ZNF680: variants seen among roughly 807,000 people sequenced by gnomAD.
The protein encoded by ZNF680 is hypothetical protein FLJ90430.
A neutral mutation model predicts 12.1 loss-of-function variants in ZNF680; 6 were observed. The ratio of observed to expected loss-of-function variants is 0.49; its 90% CI spans 0.27 to 0.98. The LOEUF (loss-of-function observed/expected upper bound fraction) is 0.98, where lower values mean the gene tolerates loss of function less well. ZNF680 is among the 50% of genes least tolerant of loss of function. ZNF680 has a pLI of 0.12. For synonymous variants in ZNF680, 170 were observed against 199.3 expected, an observed-to-expected ratio of 0.85 and a Z score of 1.24; for missense variants, 561 against 616.3, an observed-to-expected ratio of 0.91 and a Z score of 0.95.
chr7:64,522,467 G>A lies in ZNF680; in HGVS notation c.287C>T (p.Pro96Leu). ...AAAAGAATCTTTTATGCTATGCTCTGGCCAAAGGTCTTCAGTGAAATGAGA... is the reference window on the plus strand; with the variant it reads ...AAAAGAATCTTTTATGCTATGCTCTAGCCAAAGGTCTTCAGTGAAATGAGA... ...IYSHFTEDLW[P>L]EHSIKDSFQK... Residue 96 changes from proline to leucine, a missense_variant, in exon 4 of 4, where the codon CCA (proline) becomes CTA (leucine). Transcript: ENST00000309683. 4 of 1,545,522 alleles carry A rather than the reference G, an allele frequency of 2.6e-6. No homozygotes were observed. The highest frequency in any genetic ancestry group is 3.5e-6 in the Non-Finnish European group (4 of 1,147,968).
chr7:64,544,375 G>A lies in ZNF680; in HGVS notation c.88C>T (p.Leu30=), dbSNP rs779930253. The A allele has an allele frequency of 6.2e-7, 1 of 1,604,808 alleles. No homozygotes were observed. The highest frequency in any genetic ancestry group is 2.2e-5 in the East Asian group (1 of 44,634). ...IEFSLEEWQC[L]DTAQRNLYRK... The stretch of plus-strand genomic sequence containing the variant: ...TATAAATTCCGTTGTGCAGTGTCCA[G>A]GCATTGCCACTCCTCCAGAGAGAAT... Residue 30 remains leucine (L), a synonymous_variant, in exon 2 of 4, where the codon CTG becomes TTG. Transcript: ENST00000309683.
chr7:64,535,473 A>G (rs1786114474), intron 3 of ZNF680, among the ~76,000 whole-genome samples: 1 of 151,976 alleles, frequency 6.6e-6, no homozygotes, highest in Non-Finnish European at 1.5e-5. Context: ...AGAAAAAGAA[A>G]TAAGACGCCT....
chr7:64,499,849 TAAA>T, the ZNF680 span, among the ~76,000 whole-genome samples: 1 of 152,222 alleles, frequency 6.6e-6, no homozygotes, highest in Non-Finnish European at 1.5e-5. Flanking sequence ...TGGGCCCCAG[TAAA>T]ACAGTGGGCC....
the ZNF680 span, among the ~76,000 whole-genome samples, chr7:64,508,147 A>ATATATATATATAT: frequency 3.2e-4 from 43 of 135,210 alleles, no homozygotes; most frequent in East Asian, 1.6e-3. Flanking sequence ...ATATATACAT[A>ATATATATATATAT]ATTTTTTTTT....
chr7:64,537,887 A>G (rs1417158249), intron 3 of ZNF680, among the ~76,000 whole-genome samples: 2 of 151,998 alleles, frequency 1.3e-5, no homozygotes, highest in Non-Finnish European at 2.9e-5. Context: ...CTGAGATAGC[A>G]CCACTGCACT....
intron 3 of ZNF680, among the ~76,000 whole-genome samples, chr7:64,536,222 A>T (rs951259969): frequency 2.0e-5 from 3 of 152,182 alleles, no homozygotes; most frequent in Admixed American, 6.5e-5. Flanking sequence ...TAATAAGAAA[A>T]CAGAAAACTT....
Position 64,552,874 on chromosome 7 carries a change from C to T in ZNF680, c.31-8442G>A, listed in dbSNP as rs77036318. On this transcript the variant is annotated intron_variant, in intron 1 of 3. Transcript: ENST00000309683. ...GGCACGGTGGCTCACGCCAGTAATCCCAGCACTTTGGGAGGTCAAGATGGG... is the reference window on the plus strand; with the variant it reads ...GGCACGGTGGCTCACGCCAGTAATCTCAGCACTTTGGGAGGTCAAGATGGG... 0.031 allele frequency among the ~76,000 whole-genome samples: 4,671 copies of T among 151,994 alleles called. 358 individuals carry two copies. The East Asian group carries it at 0.32, about 11-fold the overall frequency.
intron 3 of ZNF680, among the ~76,000 whole-genome samples, chr7:64,528,018 C>T (rs529635661): frequency 1.9e-4 from 29 of 152,266 alleles, no homozygotes; most frequent in African/African-American, 2.2e-4. Context: ...GATCCTTCAC[C>T]GCTGAACATG....
rs530065480 is a variant in ZNF680 at position 64,545,440 on chromosome 7, T to C, written c.31-1008A>G. 3.3e-5 allele frequency among the ~76,000 whole-genome samples: 5 copies of C among 152,212 alleles called. No individual in the cohort carries two copies. In the South Asian group the frequency reaches 1.0e-3, roughly 32 times the overall value. Reference sequence around the variant, plus strand: ...ACATCAGCTGCATAAAGATACTTACTAATGAAAAGTAATTAACTATAAAAA... The same window carrying C: ...ACATCAGCTGCATAAAGATACTTACCAATGAAAAGTAATTAACTATAAAAA... On this transcript the variant is annotated intron_variant, in intron 1 of 3. Coordinates refer to ENST00000309683, the MANE Select transcript of ZNF680 (RefSeq NM_178558.5).
the ZNF680 span, among the ~76,000 whole-genome samples, chr7:64,510,916 A>AT: frequency 5.0e-5 from 4 of 79,776 alleles, no homozygotes; most frequent in Non-Finnish European, 9.9e-5. Flanking sequence ...TCTCAAAAAA[A>AT]AAAAATAAAA....
At chr7:64,515,345 T>A (rs984092162), downstream of ZNF680, among the ~76,000 whole-genome samples, 1 of 150,990 alleles carries the variant, frequency 6.6e-6, no homozygotes, top group Non-Finnish European at 1.5e-5. Context: ...CACCCCCCCC[T>A]AAAAAATCCT....
Position 64,521,640 on chromosome 7 carries a change from G to A in ZNF680, c.1114C>T (p.His372Tyr). The part of the protein sequence containing the change: ...FANLTRHKKI[H>Y]TGEKSYKCEE... ...CATTTGTAGGATTTCTCTCCAGTAT[G>A]AATTTTCTTATGTCTAGTAAGGTTT... The change falls in exon 4 of 4, where the codon CAT becomes TAT. Residue 372 changes from histidine (H) to tyrosine (Y), a missense_variant. Physicochemically the swap from His to Tyr is moderately conservative, Grantham distance 83. Transcript: ENST00000309683. 6.2e-7 allele frequency: 1 copy of A among 1,612,320 alleles called. No individual in the cohort carries two copies. The highest frequency in any genetic ancestry group is 8.5e-7 in the Non-Finnish European group (1 of 1,179,712).
At chr7:64,539,370 A>AAAAAAAAAAAAAAAC (rs1786370098) in intron 3 of ZNF680, among the ~76,000 whole-genome samples, 1 of 86,764 alleles carries the variant, frequency 1.2e-5, no homozygotes, top group Non-Finnish European at 2.5e-5. Context: ...AAAAAAAAAA[A>AAAAAAAAAAAAAAAC]AAAAAGAAAA....
chr7:64,560,668 TGA>T (rs1332640786), intron 1 of ZNF680, among the ~76,000 whole-genome samples: 3 of 152,010 alleles, frequency 2.0e-5, no homozygotes, highest in African/African-American at 7.2e-5. Flanking sequence ...AAAAATTAGC[TGA>T]GTGTGGTGGC....
intron 1 of ZNF680, chr7:64,551,955 T>C (rs569819691): frequency 5.3e-5 from 8 of 152,240 alleles, no homozygotes; most frequent in African/African-American, 1.9e-4. Flanking sequence ...AAAGGGAGCA[T>C]ATTCTCAGCA....
In ZNF680 at chr7:64,522,136, T is replaced by G; in HGVS notation, c.618A>C (p.Arg206Ser). 3 of 1,612,182 alleles carry G rather than the reference T, an allele frequency of 1.9e-6. No homozygotes were observed. Among genetic ancestry groups the G allele is most frequent in the Non-Finnish European group, 2.5e-6 (3 of 1,179,002 alleles). The change falls in exon 4 of 4, where the codon AGA (arginine) becomes AGC (serine). Residue 206 changes from arginine (R) to serine (S), a missense_variant. Coordinates refer to ENST00000309683, the MANE Select transcript of ZNF680 (RefSeq NM_178558.5). The stretch of plus-strand genomic sequence containing the variant: ...ATTCCTCACATTTGTAAGAATTCTC[T>G]CTAGTGTGAATTCTTATATGTTGTG... ...HLTQHIRIHT[R>S]ENSYKCEECG...
chr7:64,562,372 C>G (rs915553688), intron 1 of ZNF680, among the ~76,000 whole-genome samples: 1 of 152,028 alleles, frequency 6.6e-6, no homozygotes, highest in African/African-American at 2.4e-5. Flanking sequence ...CCACTTTGAT[C>G]TTACAAATTA....
chr7:64,530,427 A>G (rs1785798374), intron 3 of ZNF680, among the ~76,000 whole-genome samples: 1 of 152,162 alleles, frequency 6.6e-6, no homozygotes, highest in South Asian at 2.1e-4. Context: ...CTAACTTAAC[A>G]CATAAGAACT....
At chr7:64,530,848 A>G (rs1785828040) in intron 3 of ZNF680, among the ~76,000 whole-genome samples, 1 of 149,782 alleles carries the variant, frequency 6.7e-6, no homozygotes, top group Non-Finnish European at 1.5e-5. Context: ...ACAGAGCGAG[A>G]CTCCATCTCA....
Sources: gnomAD v4.1 joint callset for allele counts (sites outside exome capture counted in the v4.1 genomes callset) on GRCh38, gnomAD v4.1.1 for gene constraint, MANE v1.5 for transcripts, NCBI Gene and HGNC (gene_info 2026-07-23, HGNC 2026-07-21) for gene names.